The following WWOX variants were observed in gnomAD, a reference collection of about 807,000 sequenced individuals.
The protein encoded by WWOX is WW domain containing oxidoreductase.
In WWOX, 69 loss-of-function variants were observed where a neutral mutation model predicts 46.2. The observed-to-expected ratio is 1.49, with a 90% CI of 1.23 to 1.82. The LOEUF is 1.82. Among genes scored for constraint, WWOX ranks in the 40% most tolerant of loss-of-function variants. The pLI is 0.00. For missense variants in WWOX, 919 were observed against 542.6 expected (o/e 1.69, Z -6.89); for synonymous variants, 359 against 202.6 (o/e 1.77, Z -6.56).
At chr16:79,050,908 A>G (rs1429582797) in intron 8 of WWOX, among the ~76,000 whole-genome samples, 1 of 152,346 alleles carries the variant, frequency 6.6e-6, no homozygotes, top group Admixed American at 6.5e-5. Flanking sequence ...TATAAGCCCC[A>G]TAAAAGGCAA....
chr16:79,039,924 T>C (rs2047939163), intron 8 of WWOX, among the ~76,000 whole-genome samples: 1 of 152,198 alleles, frequency 6.6e-6, no homozygotes, highest in African/African-American at 2.4e-5. Context: ...ATCCTGGGGT[T>C]CTCTTGAGTA....
intron 6 of WWOX, among the ~76,000 whole-genome samples, chr16:78,389,207 C>G (rs913308050): frequency 3.1e-4 from 47 of 152,198 alleles, no homozygotes; most frequent in Non-Finnish European, 3.4e-4. Flanking sequence ...TTTGCCAGAA[C>G]TATCAAGAGG....
chr16:78,657,745 G>A (rs1007559384), intron 8 of WWOX, among the ~76,000 whole-genome samples: 1 of 152,058 alleles, frequency 6.6e-6, no homozygotes, highest in Non-Finnish European at 1.5e-5. Flanking sequence ...ACTGCTTGAG[G>A]CTCCCTCTCT....
chr16:78,103,006 G>C (rs758323097), intron 1 of WWOX, among the ~76,000 whole-genome samples: 2 of 151,476 alleles, frequency 1.3e-5, no homozygotes, highest in African/African-American at 2.5e-5. Flanking sequence ...CAGCCCCAGA[G>C]GTGCTTCTGC....
At chr16:78,435,838 C>T (rs1282386681) in intron 8 of WWOX, among the ~76,000 whole-genome samples, 3 of 152,106 alleles carry the variant, frequency 2.0e-5, no homozygotes, top group African/African-American at 7.2e-5. Context: ...AATTGTGATA[C>T]AGGTTAGTGT....
intron 8 of WWOX, among the ~76,000 whole-genome samples, chr16:78,607,839 T>A (rs1478013474): frequency 6.6e-6 from 1 of 152,098 alleles, no homozygotes; most frequent in Middle Eastern, 3.2e-3. Context: ...CTGGATTTTC[T>A]ATCGGGTACA....
At chr16:79,112,861 A>C (rs1490104800) in intron 8 of WWOX, among the ~76,000 whole-genome samples, 1 of 152,204 alleles carries the variant, frequency 6.6e-6, no homozygotes, top group Non-Finnish European at 1.5e-5. Flanking sequence ...GAAGTGAGCC[A>C]AGTGAGACCC....
chr16:78,761,593 C>G (rs1406271509), intron 8 of WWOX, among the ~76,000 whole-genome samples: 3 of 151,930 alleles, frequency 2.0e-5, no homozygotes, highest in Non-Finnish European at 2.9e-5. Context: ...TCTCGCTGGT[C>G]TAGAGGAGAT....
chr16:78,438,419 C>T (rs2083378369), intron 8 of WWOX, among the ~76,000 whole-genome samples: 2 of 151,774 alleles, frequency 1.3e-5, no homozygotes, highest in Non-Finnish European at 2.9e-5. Flanking sequence ...TTTGACAGCA[C>T]CTTCACTGAA....
rs143030231 is a variant in WWOX at position 78,279,980 on chromosome 16, A to G, written c.517-106880A>G. ...AGGAAACCACAGATGAATCAAATGA[A>G]TCCGTTTCCCCTCTTTCTGATCCTC... On this transcript the variant is annotated intron_variant, in intron 5 of 8. Coordinates refer to ENST00000566780, the MANE Select transcript of WWOX (RefSeq NM_016373.4). Among the ~76,000 whole-genome samples, 520 of 152,316 alleles carry G rather than the reference A, an allele frequency of 3.4e-3. 1 individual carries two copies. Among genetic ancestry groups the G allele is most frequent in the African/African-American group, 0.012 (488 of 41,574 alleles).
intron 8 of WWOX, among the ~76,000 whole-genome samples, chr16:79,193,585 CTG>C (rs1478488397): frequency 6.6e-6 from 1 of 152,168 alleles, no homozygotes; most frequent in African/African-American, 2.4e-5. Flanking sequence ...TGCGTGGTCT[CTG>C]TGGATAAAGT....
At chr16:78,389,081 G>A (rs1003767519) in intron 6 of WWOX, among the ~76,000 whole-genome samples, 1 of 152,102 alleles carries the variant, frequency 6.6e-6, no homozygotes, top group African/African-American at 2.4e-5. Flanking sequence ...TCGCCTAAGC[G>A]CAGACCCCAA....
chr16:78,675,159 G>T (rs1002324405), intron 8 of WWOX, among the ~76,000 whole-genome samples: 3 of 152,116 alleles, frequency 2.0e-5, no homozygotes, highest in African/African-American at 4.8e-5. Flanking sequence ...ATCAAAATGG[G>T]TAGGATTATT....
At chr16:78,555,168 T>TA (rs10635594) in intron 8 of WWOX, among the ~76,000 whole-genome samples, 43,172 of 128,246 alleles carry the variant, frequency 0.34, 8,328 homozygotes, top group African/African-American at 0.54. Flanking sequence ...TATGATTTTG[T>TA]AAAAAAAAAA....
intron 4 of WWOX, among the ~76,000 whole-genome samples, chr16:78,142,423 C>G (rs2034019649): frequency 6.6e-6 from 1 of 152,174 alleles, no homozygotes; most frequent in Non-Finnish European, 1.5e-5. Flanking sequence ...AAAACATTAT[C>G]AAGCTGCAAA....
chr16:78,151,318 C>T (rs957569354), intron 4 of WWOX, among the ~76,000 whole-genome samples: 4 of 152,140 alleles, frequency 2.6e-5, no homozygotes, highest in African/African-American at 9.7e-5. Flanking sequence ...GGTACACCTG[C>T]TTGAAGTCAG....
intron 8 of WWOX, among the ~76,000 whole-genome samples, chr16:79,011,352 C>T (rs1273729252): frequency 6.6e-6 from 1 of 151,946 alleles, no homozygotes; most frequent in South Asian, 2.1e-4. Context: ...ATTTTCATGT[C>T]TCCAATCCTG....
At chr16:78,483,394 C>T (rs1242721573) in intron 8 of WWOX, among the ~76,000 whole-genome samples, 22 of 144,360 alleles carry the variant, frequency 1.5e-4, no homozygotes, top group Admixed American at 1.4e-3. Context: ...TTTTTTAATA[C>T]TTTTCTTTTT....
chr16:78,261,788 C>CTAGAGATA (rs1491587303), intron 5 of WWOX, among the ~76,000 whole-genome samples: 18 of 73,738 alleles, frequency 2.4e-4, no homozygotes, highest in Admixed American at 1.3e-3. Context: ...ATCTATCTAT[C>CTAGAGATA]TATATATATA....
Sources: gnomAD v4.1 joint callset for allele counts (sites outside exome capture counted in the v4.1 genomes callset) on GRCh38, gnomAD v4.1.1 for gene constraint, MANE v1.5 for transcripts, NCBI Gene and HGNC (gene_info 2026-07-23, HGNC 2026-07-21) for gene names.